Variants in SMAD1 observed in about 807,000 individuals in gnomAD.
SMAD1 encodes the protein SMAD family member 1.
Under a neutral mutation model 41.6 loss-of-function variants are expected in SMAD1, and 6 were observed. The ratio of observed to expected loss-of-function variants is 0.14; its 90% CI spans 0.08 to 0.28. The LOEUF (loss-of-function observed/expected upper bound fraction) is 0.28. SMAD1 is among the 10% of genes least tolerant of loss of function. The pLI is 1.00. For missense variants in SMAD1, 379 were observed against 582.6 expected (o/e 0.65, Z 3.60); for synonymous variants, 206 against 203.2 (o/e 1.01, Z -0.12).
At chr4:145,533,320 A>G (rs1004718178) in intron 2 of SMAD1, among the ~76,000 whole-genome samples, 4 of 152,254 alleles carry the variant, frequency 2.6e-5, no homozygotes, top group Admixed American at 6.5e-5. Context: ...GTCACCTATT[A>G]CTAATTACAT....
Position 145,553,803 on chromosome 4 carries a change from T to C in SMAD1, c.1017T>C (p.Val339=). Reference sequence around the variant, plus strand: ...CTATAGGAGTTCATCTTTATTATGTTGGAGGGGAGGTGTATGCCGAATGCC... The same window carrying C: ...CTATAGGAGTTCATCTTTATTATGTCGGAGGGGAGGTGTATGCCGAATGCC... ...HIGKGVHLYY[V]GGEVYAECLS... Residue 339 remains valine, a synonymous_variant, in exon 6 of 7, where the codon GTT becomes GTC. Transcript: ENST00000302085. 6.2e-7 allele frequency: 1 copy of C among 1,613,934 alleles called. No homozygotes were observed. The highest frequency in any genetic ancestry group is 8.5e-7 in the Non-Finnish European group (1 of 1,179,768).
At position 145,482,197 on chromosome 4, in the gene SMAD1, G is replaced by C. The variant is rs1209386716; in HGVS notation, c.-177+159G>C. ...GGGCGCGGGCAGCGGCGGGAAGGGG[G>C]CTCTTTCTGCGCGGGGCGGGCCGCG... On this transcript the variant is annotated intron_variant, in intron 1 of 6. Coordinates refer to ENST00000302085, the MANE Select transcript of SMAD1 (RefSeq NM_005900.3). The surrounding 1 kb of genome is among the most constrained non-coding windows in gnomAD (Gnocchi z 4.2). Among the ~76,000 whole-genome samples, 1 of 150,798 alleles carries C rather than the reference G, an allele frequency of 6.6e-6. No homozygotes were observed. The highest frequency in any genetic ancestry group is 2.5e-5 in the African/African-American group (1 of 40,798).
intron 4 of SMAD1, among the ~76,000 whole-genome samples, chr4:145,543,228 A>G (rs1437081577): frequency 6.6e-6 from 1 of 152,220 alleles, no homozygotes; most frequent in Non-Finnish European, 1.5e-5. Context: ...TGGCCTCCCA[A>G]AGTGCTGGGA....
chr4:145,483,699 AGGAAGGTG>A (rs1439713605), intron 1 of SMAD1, among the ~76,000 whole-genome samples: 2 of 152,154 alleles, frequency 1.3e-5, no homozygotes, highest in Non-Finnish European at 2.9e-5. Flanking sequence ...TGCAGTTCTT[AGGAAGGTG>A]TAGCTAGGGT....
intron 3 of SMAD1, among the ~76,000 whole-genome samples, chr4:145,541,995 C>G (rs924467032): frequency 6.6e-6 from 1 of 152,202 alleles, no homozygotes; most frequent in Non-Finnish European, 1.5e-5. Context: ...TAAACTGATT[C>G]ATTTTCTGTT....
chr4:145,519,430 T>C (rs1445953428), intron 2 of SMAD1, among the ~76,000 whole-genome samples: 1 of 151,852 alleles, frequency 6.6e-6, no homozygotes, highest in Non-Finnish European at 1.5e-5. Context: ...TAATTTCTTT[T>C]TGGTGAGTAC....
intron 5 of SMAD1, among the ~76,000 whole-genome samples, chr4:145,553,508 A>G (rs1732669074): frequency 6.6e-6 from 1 of 152,124 alleles, no homozygotes; most frequent in Admixed American, 6.5e-5. Context: ...ATGAGAATCT[A>G]ATGCTGCCGC....
intron 2 of SMAD1, 131 bp downstream of exon 2, chr4:145,515,144 G>GTGTA (rs1449382932): frequency 1.6e-6 from 1 of 619,148 alleles, no homozygotes; most frequent in African/African-American, 2.0e-5. Flanking sequence ...CTGTGTGTGT[G>GTGTA]TGTGTGTGTG....
At chr4:145,509,099 T>C (rs1729942137) in intron 1 of SMAD1, among the ~76,000 whole-genome samples, 1 of 152,218 alleles carries the variant, frequency 6.6e-6, no homozygotes, top group African/African-American at 2.4e-5. Flanking sequence ...ATGGGCCTCT[T>C]CTTCGGTTAT....
chr4:145,500,323 C>T (rs1454200817), intron 1 of SMAD1, among the ~76,000 whole-genome samples: 1 of 152,142 alleles, frequency 6.6e-6, no homozygotes, highest in African/African-American at 2.4e-5. Context: ...GCTCTGAAGT[C>T]TCTGTGGGTC....
chr4:145,554,091 C>CTT (rs10715854), intron 6 of SMAD1, 51 bp downstream of exon 6: 1,409 of 1,137,334 alleles, frequency 1.2e-3, no homozygotes, highest in South Asian at 1.4e-3. Flanking sequence ...TTTTGCTGTG[C>CTT]TTTTTTTTTT....
At chr4:145,500,722 TTC>T (rs1729392196) in intron 1 of SMAD1, among the ~76,000 whole-genome samples, 1 of 152,202 alleles carries the variant, frequency 6.6e-6, no homozygotes, top group African/African-American at 2.4e-5. Flanking sequence ...TTACTAGTTT[TTC>T]TCTTTTTGTA....
chr4:145,538,083 C>T (rs901859278), intron 2 of SMAD1, among the ~76,000 whole-genome samples: 1 of 152,068 alleles, frequency 6.6e-6, no homozygotes, highest in Non-Finnish European at 1.5e-5. Flanking sequence ...GGGTAAAAAT[C>T]ATAATTGAGA....
chr4:145,548,348 C>A (rs1480288436), intron 5 of SMAD1, among the ~76,000 whole-genome samples: 1 of 152,078 alleles, frequency 6.6e-6, no homozygotes, highest in African/African-American at 2.4e-5. Context: ...TGTGCCTCAG[C>A]CTCCTCAGTA....
chr4:145,512,105 T>C (rs13149754), intron 1 of SMAD1, among the ~76,000 whole-genome samples: 1 of 152,232 alleles, frequency 6.6e-6, no homozygotes, highest in African/African-American at 2.4e-5. Flanking sequence ...GTTTCCATTG[T>C]TTATGCTGAA....
intron 1 of SMAD1, among the ~76,000 whole-genome samples, chr4:145,511,879 G>A (rs1326770798): frequency 1.3e-5 from 2 of 152,016 alleles, no homozygotes; most frequent in Non-Finnish European, 2.9e-5. Flanking sequence ...GCAGTTCTTT[G>A]CTTATTTCTA....
At chr4:145,515,609 TA>T (rs1419624361) in intron 2 of SMAD1, among the ~76,000 whole-genome samples, 3 of 152,212 alleles carry the variant, frequency 2.0e-5, no homozygotes, top group Non-Finnish European at 2.9e-5. Flanking sequence ...TATTACTTTA[TA>T]AAATATACCC....
intron 1 of SMAD1, among the ~76,000 whole-genome samples, chr4:145,506,339 G>A (rs1201693694): frequency 6.6e-6 from 1 of 152,166 alleles, no homozygotes; most frequent in African/African-American, 2.4e-5. Context: ...GGAGAAAAGA[G>A]TTGCCTGCTT....
chr4:145,516,834 A>C (rs1314376773), intron 2 of SMAD1, among the ~76,000 whole-genome samples: 2 of 152,196 alleles, frequency 1.3e-5, no homozygotes, highest in African/African-American at 4.8e-5. Context: ...AAAATGTATT[A>C]ATACATAGGT....
Sources: gnomAD v4.1 joint callset for allele counts (sites outside exome capture counted in the v4.1 genomes callset) on GRCh38, gnomAD v4.1.1 for gene constraint, Gnocchi (gnomAD v3.1) non-coding constraint, MANE v1.5 for transcripts, NCBI Gene and HGNC (gene_info 2026-07-23, HGNC 2026-07-21) for gene names.